The following KCNH1 variants were observed in gnomAD, a reference collection of about 807,000 sequenced individuals.
KCNH1 encodes voltage-gated delayed rectifier potassium channel KCNH1.
Under a neutral mutation model 69.2 loss-of-function variants are expected in KCNH1, and 27 were observed. That is an observed-to-expected ratio of 0.39 (90% CI 0.29 to 0.54). The LOEUF is 0.54. KCNH1 is among the 20% of genes least tolerant of loss of function. The pLI is 0.68. For missense variants in KCNH1, 798 were observed against 1,261.6 expected (o/e 0.63, Z 5.57); for synonymous variants, 456 against 487.7 (o/e 0.93, Z 0.86).
intron 5 of KCNH1, among the ~76,000 whole-genome samples, chr1:211,036,324 C>A (rs184349458): frequency 6.6e-6 from 1 of 152,156 alleles, no homozygotes; most frequent in East Asian, 1.9e-4. Context: ...ATCTGGGAGG[C>A]CTGATGGTTG....
intron 6 of KCNH1, among the ~76,000 whole-genome samples, chr1:210,936,861 T>C (rs1398994881): frequency 6.6e-6 from 1 of 152,190 alleles, no homozygotes; most frequent in Non-Finnish European, 1.5e-5. Context: ...GCATTCTACA[T>C]GATGAGTGCA....
At chr1:211,074,909 C>T (rs1229983235) in intron 5 of KCNH1, among the ~76,000 whole-genome samples, 1 of 152,220 alleles carries the variant, frequency 6.6e-6, no homozygotes, top group Non-Finnish European at 1.5e-5. Flanking sequence ...TCACCACAAT[C>T]ACATAAGCCA....
intron 5 of KCNH1, among the ~76,000 whole-genome samples, chr1:211,027,774 C>T (rs964813994): frequency 6.6e-6 from 1 of 151,628 alleles, no homozygotes; most frequent in African/African-American, 2.4e-5. Context: ...ACCAAGAAGA[C>T]AGAACAATCC....
At chr1:210,935,173 A>T (rs1271510394) in intron 6 of KCNH1, among the ~76,000 whole-genome samples, 1 of 132,120 alleles carries the variant, frequency 7.6e-6, no homozygotes, top group Non-Finnish European at 1.6e-5. Context: ...CACGAATAGT[A>T]TTCAGCCATA....
At position 210,678,971 on chromosome 1, in the gene KCNH1, T is replaced by C. The variant is rs1681201548; in HGVS notation, c.*4310A>G. On this transcript the variant is annotated 3_prime_UTR_variant, in exon 11 of 11. Coordinates refer to ENST00000271751, the MANE Select transcript of KCNH1 (RefSeq NM_172362.3). ...AGTTCTAGAGGTTCCAGAATAAGTC[T>C]GATATGCTTGCATGAGAATGAAGTT... is the stretch of plus-strand genomic sequence containing the variant. 1 of 152,234 alleles carries C rather than the reference T, an allele frequency of 6.6e-6. No individual in the cohort carries two copies. The highest frequency in any genetic ancestry group is 6.5e-5 in the Admixed American group (1 of 15,292). 9.4% of individuals were successfully genotyped at this position (152,234 alleles called of 1,614,324 possible). A position where few individuals can be genotyped will look rare whatever the true frequency, so the allele number is the denominator to read the frequency against.
intron 5 of KCNH1, among the ~76,000 whole-genome samples, chr1:211,068,587 G>T (rs1023063874): frequency 3.9e-5 from 6 of 152,090 alleles, no homozygotes; most frequent in Non-Finnish European, 5.9e-5. Flanking sequence ...GTAGAGACGA[G>T]GTTTCACCAT....
chr1:210,952,442 T>A (rs1377818733), intron 6 of KCNH1, among the ~76,000 whole-genome samples: 1 of 152,210 alleles, frequency 6.6e-6, no homozygotes, highest in African/African-American at 2.4e-5. Flanking sequence ...AGCACAAACA[T>A]CAAGCCTGGT....
At chr1:210,715,705 T>C (rs1462110257) in intron 10 of KCNH1, among the ~76,000 whole-genome samples, 1 of 152,086 alleles carries the variant, frequency 6.6e-6, no homozygotes, top group African/African-American at 2.4e-5. Context: ...GGGCTAGAGG[T>C]TCTAGCCCAA....
At chr1:211,049,313 G>A (rs529206891) in intron 5 of KCNH1, among the ~76,000 whole-genome samples, 2 of 152,300 alleles carry the variant, frequency 1.3e-5, no homozygotes, top group South Asian at 2.1e-4. Context: ...ATTTTAAAGC[G>A]ATTGTCAAGA....
chr1:210,907,040 T>C (rs976820754), intron 7 of KCNH1, among the ~76,000 whole-genome samples: 2 of 152,082 alleles, frequency 1.3e-5, no homozygotes, highest in Non-Finnish European at 2.9e-5. Flanking sequence ...ATCAAGAAAG[T>C]GAAAAGGCAC....
chr1:210,756,694 A>G (rs1412790081), intron 10 of KCNH1, among the ~76,000 whole-genome samples: 4 of 152,168 alleles, frequency 2.6e-5, no homozygotes, highest in Non-Finnish European at 5.9e-5. Context: ...TGGAAGGGAT[A>G]GTGAACTCAC....
intron 3 of KCNH1, among the ~76,000 whole-genome samples, chr1:211,091,545 T>G (rs573719583): frequency 6.6e-6 from 1 of 152,258 alleles, no homozygotes; most frequent in East Asian, 1.9e-4. Flanking sequence ...GACAAGGCAT[T>G]GAAGAAGGAA....
At chr1:210,772,863 C>T (rs539284905) in intron 10 of KCNH1, among the ~76,000 whole-genome samples, 120 of 152,280 alleles carry the variant, frequency 7.9e-4, no homozygotes, top group Non-Finnish European at 1.0e-3. Flanking sequence ...AAATCCTCCA[C>T]AACAGCCCTT....
rs1302790440 is a variant in KCNH1, at chr1:210,797,584, C to T, written c.1839G>A (p.Glu613=). The T allele has an allele frequency of 1.1e-5, 18 of 1,614,108 alleles. No homozygotes were observed. The highest frequency in any genetic ancestry group is 1.3e-5 in the Non-Finnish European group (15 of 1,180,056). Residue 613 remains glutamate, a synonymous_variant, in exon 9 of 11, where the codon GAG becomes GAA. Transcript: ENST00000271751. The part of the protein sequence containing the change: ...APGDLIYHAG[E]SVDSLCFVVS... Reference sequence around the variant, plus strand: ...CCACAAAGCAGAGGCTGTCAACGCTCTCTCCTGCATGGTAGATGAGGTCCC... The same window carrying T: ...CCACAAAGCAGAGGCTGTCAACGCTTTCTCCTGCATGGTAGATGAGGTCCC...
At chr1:210,861,379 G>A (rs1685975043) in intron 7 of KCNH1, 1 of 778,572 alleles carries the variant, frequency 1.3e-6, no homozygotes, top group African/African-American at 1.7e-5. Context: ...AAACTTGCTG[G>A]ACACCAACAA....
intron 7 of KCNH1, chr1:210,858,224 C>T (rs1278755625): frequency 6.6e-6 from 1 of 152,160 alleles, no homozygotes; most frequent in Non-Finnish European, 1.5e-5. Context: ...AGTTAACATG[C>T]TCTAGATACC....
At chr1:210,938,391 C>G (rs1687815568) in intron 6 of KCNH1, among the ~76,000 whole-genome samples, 1 of 152,098 alleles carries the variant, frequency 6.6e-6, no homozygotes, top group African/African-American at 2.4e-5. Context: ...TGTATATGCT[C>G]TTTTGAATAT....
intron 10 of KCNH1, among the ~76,000 whole-genome samples, chr1:210,688,752 A>G (rs1681461303): frequency 6.6e-6 from 1 of 152,214 alleles, no homozygotes. Flanking sequence ...AATGAGGACA[A>G]CTGCTCATTG....
At chr1:211,049,948 G>A (rs1690166762) in intron 5 of KCNH1, among the ~76,000 whole-genome samples, 1 of 152,162 alleles carries the variant, frequency 6.6e-6, no homozygotes, top group South Asian at 2.1e-4. Context: ...CAAACACAGA[G>A]AACTTTCTCT....
Sources: allele counts gnomAD v4.1 joint callset (sites outside exome capture counted in the v4.1 genomes callset), GRCh38; gene constraint gnomAD v4.1.1; transcripts MANE v1.5; gene names NCBI Gene and HGNC (gene_info 2026-07-23, HGNC 2026-07-21).